Variants in PTPN1 observed in about 807,000 individuals in gnomAD.
PTPN1 encodes the protein tyrosine-protein phosphatase non-receptor type 1.
PTPN1 carries 12 observed loss-of-function variants against 59.9 expected under a neutral mutation model. That is an observed-to-expected ratio of 0.20 (90% CI 0.13 to 0.32). The LOEUF is 0.32. Ranked by LOEUF, PTPN1 falls within the 10% of genes least tolerant of loss-of-function variation. The pLI is 1.00. For missense variants in PTPN1, 356 were observed against 549.2 expected, an observed-to-expected ratio of 0.65 and a Z score of 3.52; for synonymous variants, 178 against 203.6, an observed-to-expected ratio of 0.87 and a Z score of 1.07.
chr20:50,563,352 T>TA (rs1309013353), intron 2 of PTPN1, among the ~76,000 whole-genome samples: 3 of 152,138 alleles, frequency 2.0e-5, no homozygotes, highest in Non-Finnish European at 2.9e-5. Flanking sequence ...AGTCCACAGT[T>TA]ACAGGCACTT....
chr20:50,569,766 C>CGTCGTGTATAGACT (rs2082798678), intron 4 of PTPN1, among the ~76,000 whole-genome samples: 1 of 151,894 alleles, frequency 6.6e-6, no homozygotes, highest in Admixed American at 6.6e-5. Context: ...CTCTGTAGAC[C>CGTCGTGTATAGACT]GTCCTGTGTA....
At chr20:50,517,776 A>G (rs1266138814) in intron 1 of PTPN1, among the ~76,000 whole-genome samples, 1 of 152,184 alleles carries the variant, frequency 6.6e-6, no homozygotes, top group African/African-American at 2.4e-5. Context: ...TACTACTCTG[A>G]ATCTAGTGCT....
intron 1 of PTPN1, among the ~76,000 whole-genome samples, chr20:50,561,061 C>T (rs2082750082): frequency 6.6e-6 from 1 of 152,200 alleles, no homozygotes; most frequent in Non-Finnish European, 1.5e-5. Flanking sequence ...CTCACTGTTC[C>T]TGGCATGAGA....
chr20:50,561,431 T>C lies in PTPN1; in HGVS notation c.132T>C (p.Asn44=), dbSNP rs1448547665. ...AGCTTCCTAAGAACAAAAACCGAAATAGGTACAGAGACGTCAGTCCCTGTA... is the reference window on the plus strand; with the variant it reads ...AGCTTCCTAAGAACAAAAACCGAAACAGGTACAGAGACGTCAGTCCCTGTA... ...VAKLPKNKNR[N]RYRDVSPFDH... is the part of the protein sequence containing the mutation. Residue 44 remains asparagine, a synonymous_variant, in exon 2 of 10, where the codon AAT becomes AAC. Coordinates refer to ENST00000371621, the MANE Select transcript of PTPN1 (RefSeq NM_002827.4). 6.2e-7 allele frequency: 1 copy of C among 1,611,390 alleles called. No homozygotes were observed. Among genetic ancestry groups the C allele is most frequent in the Non-Finnish European group, 8.5e-7 (1 of 1,177,844 alleles).
chr20:50,572,527 GT>G (rs2082815881), intron 4 of PTPN1: 1 of 152,164 alleles, frequency 6.6e-6, no homozygotes, highest in South Asian at 2.1e-4. Flanking sequence ...ATTAGGTTTG[GT>G]TTTGAAAGTG....
chr20:50,556,869 C>G (rs1447741984), intron 1 of PTPN1, among the ~76,000 whole-genome samples: 1 of 152,132 alleles, frequency 6.6e-6, no homozygotes, highest in Non-Finnish European at 1.5e-5. Context: ...TGCTTCAACC[C>G]GGGAGGCAGA....
chr20:50,563,382 A>G (rs905464165), intron 2 of PTPN1, among the ~76,000 whole-genome samples: 12 of 152,166 alleles, frequency 7.9e-5, no homozygotes, highest in African/African-American at 2.9e-4. Context: ...GGGGCTCTGT[A>G]TACACCTCAG....
At position 50,512,856 on chromosome 20, in the gene PTPN1, T is replaced by C. The variant is rs115982930; in HGVS notation, c.63+2266T>C. Reference sequence around the variant, plus strand: ...AGGATTCAAAGAATGTGTTTACAATTGATAGAAAATGGAAGTTTAAAAAAA... The same window carrying C: ...AGGATTCAAAGAATGTGTTTACAATCGATAGAAAATGGAAGTTTAAAAAAA... On this transcript the variant is annotated intron_variant, in intron 1 of 9. Coordinates refer to ENST00000371621, the MANE Select transcript of PTPN1 (RefSeq NM_002827.4). 4.1e-3 allele frequency among the ~76,000 whole-genome samples: 618 copies of C among 152,292 alleles called. 2 individuals are homozygous for C. Among genetic ancestry groups the C allele is most frequent in the African/African-American group, 0.014 (595 of 41,558 alleles).
intron 1 of PTPN1, among the ~76,000 whole-genome samples, chr20:50,536,241 C>G (rs570630203): frequency 6.6e-6 from 1 of 152,260 alleles, no homozygotes; most frequent in East Asian, 1.9e-4. Context: ...CTTACTTTTC[C>G]CTATAAGGCA....
chr20:50,570,119 C>T (rs892446680), intron 4 of PTPN1, among the ~76,000 whole-genome samples: 1 of 152,190 alleles, frequency 6.6e-6, no homozygotes, highest in Non-Finnish European at 1.5e-5. Flanking sequence ...ACAGTCATGG[C>T]CCTAGAATGT....
intron 1 of PTPN1, among the ~76,000 whole-genome samples, chr20:50,527,546 T>C (rs527440707): frequency 7.2e-5 from 11 of 152,166 alleles, no homozygotes; most frequent in Admixed American, 1.3e-4. Context: ...GGCTTCACCA[T>C]GTTGGCCAGG....
intron 1 of PTPN1, among the ~76,000 whole-genome samples, chr20:50,543,757 C>G (rs2082662674): frequency 6.6e-6 from 1 of 151,882 alleles, no homozygotes; most frequent in South Asian, 2.1e-4. Context: ...ATTCCAATAT[C>G]GAAGAAGAAG....
intron 1 of PTPN1, among the ~76,000 whole-genome samples, chr20:50,557,031 A>G (rs2082729024): frequency 6.6e-6 from 1 of 152,206 alleles, no homozygotes; most frequent in African/African-American, 2.4e-5. Flanking sequence ...GATGAAATTA[A>G]TAGCCTGGGC....
At chr20:50,529,491 CTT>C (rs1338696214) in intron 1 of PTPN1, among the ~76,000 whole-genome samples, 1 of 152,178 alleles carries the variant, frequency 6.6e-6, no homozygotes, top group Non-Finnish European at 1.5e-5. Flanking sequence ...TGTCTTTAAA[CTT>C]TTACTGGTTT....
chr20:50,547,293 T>C (rs1345548899), intron 1 of PTPN1, among the ~76,000 whole-genome samples: 1 of 152,190 alleles, frequency 6.6e-6, no homozygotes, highest in African/African-American at 2.4e-5. Flanking sequence ...AAACAAAGGC[T>C]CTAGAAGCTT....
intron 1 of PTPN1, among the ~76,000 whole-genome samples, chr20:50,517,473 G>C (rs990544645): frequency 3.3e-5 from 5 of 152,126 alleles, no homozygotes; most frequent in Admixed American, 6.5e-5. Context: ...TGCCCAGGCT[G>C]GTCTTGAACT....
intron 1 of PTPN1, among the ~76,000 whole-genome samples, chr20:50,539,985 T>C (rs2082643027): frequency 6.6e-6 from 1 of 152,114 alleles, no homozygotes; most frequent in African/African-American, 2.4e-5. Flanking sequence ...CTGTTATGTG[T>C]ATGTTTGATC....
intron 1 of PTPN1, among the ~76,000 whole-genome samples, chr20:50,524,569 CTTTT>C (rs764474360): frequency 5.7e-4 from 26 of 45,786 alleles, no homozygotes; most frequent in East Asian, 2.5e-3. Flanking sequence ...ATTATGTGGT[CTTTT>C]TTTTTTTTTT....
intron 1 of PTPN1, among the ~76,000 whole-genome samples, chr20:50,515,631 G>T (rs2082525811): frequency 6.6e-6 from 1 of 152,122 alleles, no homozygotes; most frequent in Admixed American, 6.5e-5. Context: ...CTCCAATGGA[G>T]CCCAAGCTTC....
Sources: allele counts gnomAD v4.1 joint callset (sites outside exome capture counted in the v4.1 genomes callset), GRCh38; gene constraint gnomAD v4.1.1; transcripts MANE v1.5; gene names NCBI Gene and HGNC (gene_info 2026-07-23, HGNC 2026-07-21).